The following PDZD2 variants were observed in gnomAD, a reference collection of about 807,000 sequenced individuals.
PDZD2 encodes PDZ domain-containing protein 2.
In PDZD2, 90 loss-of-function variants were observed where a neutral mutation model predicts 220.7. That is an observed-to-expected ratio of 0.41 (90% CI 0.34 to 0.49). The LOEUF is 0.49. Ranked by LOEUF, PDZD2 falls within the 20% of genes least tolerant of loss-of-function variation. The pLI, the probability that PDZD2 is intolerant of heterozygous loss-of-function variation, is 0.28. For synonymous variants in PDZD2, 1,375 were observed against 1,450.5 expected (o/e 0.95, Z 1.18); for missense variants, 3,174 against 3,608.5 (o/e 0.88, Z 3.08).
At chr5:31,924,000 G>C (rs1001924665) in intron 2 of PDZD2, among the ~76,000 whole-genome samples, 2 of 152,190 alleles carry the variant, frequency 1.3e-5, no homozygotes, top group African/African-American at 4.8e-5. Flanking sequence ...AGTCATTAGG[G>C]AGGAAACAGC....
At chr5:31,661,809 T>TC in intron 1 of PDZD2, among the ~76,000 whole-genome samples, 1 of 151,650 alleles carries the variant, frequency 6.6e-6, no homozygotes, top group South Asian at 2.1e-4. Flanking sequence ...TCTTTTTTTT[T>TC]CATCAGAGAT....
chr5:31,953,572 T>G (rs1747369782), intron 2 of PDZD2, among the ~76,000 whole-genome samples: 1 of 151,808 alleles, frequency 6.6e-6, no homozygotes, highest in Non-Finnish European at 1.5e-5. Context: ...CCCTACACTT[T>G]AGGAGACCAA....
At chr5:31,969,532 A>C (rs1417886355) in intron 2 of PDZD2, among the ~76,000 whole-genome samples, 2 of 144,396 alleles carry the variant, frequency 1.4e-5, no homozygotes, top group Admixed American at 1.4e-4. Flanking sequence ...AAAAAAAAAA[A>C]AAACAATGGA....
rs35229609 is a variant in PDZD2, at chr5:31,896,323, C to CGTGTGTGT, written c.477-86795_477-86788dup. On this transcript the variant is annotated intron_variant, in intron 2 of 24. Transcript: ENST00000438447. ...TCATCAGATTCCTATTTGATACTCT[C>CGTGTGTGT]GTGTGTGTGTGTGTGTGTGTGTGTG... 5.5e-3 allele frequency among the ~76,000 whole-genome samples: 747 copies of CGTGTGTGT among 136,446 alleles called. 3 individuals are homozygous for CGTGTGTGT. The highest frequency in any genetic ancestry group is 7.7e-3 in the Non-Finnish European group (491 of 63,968). 89.5% of individuals were successfully genotyped at this position (136,446 alleles called of 152,430 possible). A position where few individuals can be genotyped will look rare whatever the true frequency, so the allele number is the denominator to read the frequency against.
At chr5:31,920,050 G>T (rs1744072942) in intron 2 of PDZD2, among the ~76,000 whole-genome samples, 1 of 151,926 alleles carries the variant, frequency 6.6e-6, no homozygotes, top group South Asian at 2.1e-4. Context: ...GGTTTTGGGA[G>T]GCTAAAGTGG....
chr5:32,097,010 A>G (rs1743778445), intron 21 of PDZD2, among the ~76,000 whole-genome samples: 1 of 151,770 alleles, frequency 6.6e-6, no homozygotes, highest in East Asian at 2.0e-4. Context: ...TGATTTTTGT[A>G]GAGACAGGGT....
chr5:31,892,255 G>A lies in PDZD2; in HGVS notation c.477-90900G>A, dbSNP rs565604714. Among the ~76,000 whole-genome samples the A allele has an allele frequency of 2.1e-4, 32 of 152,150 alleles. No homozygotes were observed. The South Asian group carries it at 6.2e-3, about 30-fold the overall frequency. ...ATTTCTGGATTACCTTCTCCTCAAG[G>A]TCTATCTACCCAGCTCCCTAATGTA... On this transcript the variant is annotated intron_variant, in intron 2 of 24. Transcript: ENST00000438447.
At chr5:32,055,948 C>T (rs550555655) in intron 10 of PDZD2, among the ~76,000 whole-genome samples, 3 of 151,994 alleles carry the variant, frequency 2.0e-5, no homozygotes, top group Admixed American at 6.6e-5. Flanking sequence ...TGGAGCAAAA[C>T]GGGGAAAAAA....
At chr5:32,045,492 A>G (rs1737840969) in intron 7 of PDZD2, among the ~76,000 whole-genome samples, 1 of 149,648 alleles carries the variant, frequency 6.7e-6, no homozygotes, top group Non-Finnish European at 1.5e-5. Context: ...CGTGATCTCA[A>G]CTCACTGCAA....
At chr5:31,836,179 G>A (rs1756930202) in intron 2 of PDZD2, among the ~76,000 whole-genome samples, 1 of 149,850 alleles carries the variant, frequency 6.7e-6, no homozygotes, top group Admixed American at 6.7e-5. Context: ...TGGTATTTGT[G>A]TAAGCTTGTT....
At chr5:32,037,619 G>A (rs1460924842) in intron 7 of PDZD2, among the ~76,000 whole-genome samples, 1 of 152,032 alleles carries the variant, frequency 6.6e-6, no homozygotes, top group Admixed American at 6.6e-5. Flanking sequence ...CGTTTACTTC[G>A]ATCAGATTTC....
chr5:31,780,466 G>A (rs7726009), intron 1 of PDZD2, among the ~76,000 whole-genome samples: 77,321 of 152,048 alleles, frequency 0.51, 19,788 homozygotes, highest in East Asian at 0.6. Context: ...TTTCATCAAC[G>A]AACATTAAAG....
At chr5:31,862,523 C>T (rs1471206190) in intron 2 of PDZD2, among the ~76,000 whole-genome samples, 4 of 151,416 alleles carry the variant, frequency 2.6e-5, no homozygotes, top group South Asian at 2.1e-4. Flanking sequence ...CTGAGACATG[C>T]GGTCATTAAT....
intron 2 of PDZD2, among the ~76,000 whole-genome samples, chr5:31,905,366 G>T (rs113536461): frequency 1.1e-4 from 17 of 152,306 alleles, no homozygotes; most frequent in African/African-American, 4.1e-4. Context: ...TGCCTTGCAG[G>T]TGTTCTAGTT....
intron 1 of PDZD2, among the ~76,000 whole-genome samples, chr5:31,796,528 T>C (rs1360451907): frequency 1.3e-5 from 2 of 152,134 alleles, no homozygotes; most frequent in East Asian, 3.9e-4. Context: ...AAACTAGGAC[T>C]CTTTCAGAGT....
chr5:32,041,406 G>A (rs1396683567), intron 7 of PDZD2, among the ~76,000 whole-genome samples: 1 of 150,780 alleles, frequency 6.6e-6, no homozygotes, highest in Non-Finnish European at 1.5e-5. Flanking sequence ...CAAGAAAAGG[G>A]GGAAACGTGG....
chr5:31,923,222 C>T (rs920160137), intron 2 of PDZD2: 2 of 441,532 alleles, frequency 4.5e-6, no homozygotes, highest in Non-Finnish European at 8.4e-6. Context: ...GAGATCGTGC[C>T]ATTGCACTCC....
intron 6 of PDZD2, among the ~76,000 whole-genome samples, chr5:32,012,759 C>T (rs1753427250): frequency 1.3e-5 from 2 of 151,944 alleles, no homozygotes; most frequent in East Asian, 3.8e-4. Context: ...ACTTCATATA[C>T]TAAATACTAG....
chr5:32,097,203 C>G (rs1743801940), intron 21 of PDZD2, 76 bp from the exon 22 acceptor site: 1 of 925,682 alleles, frequency 1.1e-6, no homozygotes, highest in African/African-American at 1.6e-5. Context: ...TTACTCCTGG[C>G]CCAAGGGGAT....
Sources: allele counts gnomAD v4.1 joint callset (sites outside exome capture counted in the v4.1 genomes callset), GRCh38; gene constraint gnomAD v4.1.1; transcripts MANE v1.5; gene names NCBI Gene and HGNC (gene_info 2026-07-23, HGNC 2026-07-21).